Variants in FAXC observed in about 807,000 individuals in gnomAD.
FAXC encodes the protein failed axon connections homolog.
Under a neutral mutation model 41.9 loss-of-function variants are expected in FAXC, and 10 were observed. The observed-to-expected ratio is 0.24, with a 90% confidence interval of 0.15 to 0.41. The LOEUF is 0.41. Ranked by LOEUF, FAXC falls within the 10% of genes least tolerant of loss-of-function variation. The pLI is 1.00. For synonymous variants in FAXC, 183 were observed against 183.8 expected (o/e 1.00, Z 0.03); for missense variants, 399 against 510.9 (o/e 0.78, Z 2.11).
intron 5 of FAXC, 115 bp downstream of exon 5, chr6:99,291,589 T>C: frequency 2.6e-6 from 2 of 757,516 alleles, no homozygotes; most frequent in Non-Finnish European, 4.7e-6. Flanking sequence ...ATGCCTGGTG[T>C]CTCCATAAAG....
At chr6:99,349,020 G>C (rs889796212) in intron 1 of FAXC, 87 bp downstream of exon 1, 1 of 1,319,960 alleles carries the variant, frequency 7.6e-7, no homozygotes, top group African/African-American at 1.5e-5. Context: ...TTGACCGAGG[G>C]GCTGGCACGG....
intron 3 of FAXC, among the ~76,000 whole-genome samples, chr6:99,323,978 AAAACAAGTAG>A (rs1772689730): frequency 6.6e-6 from 1 of 152,124 alleles, no homozygotes; most frequent in Admixed American, 6.5e-5. Context: ...AACCCCACAG[AAAACAAGTAG>A]AAACCCACTG....
intron 4 of FAXC, among the ~76,000 whole-genome samples, chr6:99,301,816 A>G (rs771312004): frequency 1.1e-4 from 17 of 152,090 alleles, no homozygotes; most frequent in Non-Finnish European, 1.8e-4. Flanking sequence ...AGCTATGACA[A>G]CCTCTTCTGA....
intron 4 of FAXC, among the ~76,000 whole-genome samples, chr6:99,318,261 AC>A (rs879858529): frequency 0.45 from 38,553 of 86,090 alleles, 7,058 homozygotes; most frequent in East Asian, 0.61. Flanking sequence ...TCCGTCTCAA[AC>A]ACACACACAC....
Position 99,272,208 on chromosome 6 carries a change from C to T in FAXC, c.*8956G>A, listed in dbSNP as rs1286285074. ...TGTGTGTGTTTGAGATGGAGTTTTG[C>T]TCTTGTTGCCCAGGCTGGAGTCAAT... On this transcript the variant is annotated 3_prime_UTR_variant, in exon 6 of 6. Transcript: ENST00000389677. 6.9e-6 allele frequency: 1 copy of T among 145,614 alleles called. No individual in the cohort carries two copies. The highest frequency in any genetic ancestry group is 1.5e-5 in the Non-Finnish European group (1 of 66,732). 9.0% of individuals were successfully genotyped at this position (145,614 alleles called of 1,614,324 possible). A position where few individuals can be genotyped will look rare whatever the true frequency, so the allele number is the denominator to read the frequency against.
At chr6:99,300,393 A>G (rs951627963) in intron 4 of FAXC, among the ~76,000 whole-genome samples, 4 of 152,244 alleles carry the variant, frequency 2.6e-5, no homozygotes, top group African/African-American at 9.6e-5. Context: ...GCAAATGCCT[A>G]CTCAGGCTCA....
chr6:99,309,370 C>T (rs916569048), intron 4 of FAXC, among the ~76,000 whole-genome samples: 18 of 152,188 alleles, frequency 1.2e-4, no homozygotes, highest in Middle Eastern at 6.8e-3. Flanking sequence ...TGTAGCAATC[C>T]GTTTGTATCG....
chr6:99,286,812 C>A (rs1771044617), intron 5 of FAXC, among the ~76,000 whole-genome samples: 1 of 152,070 alleles, frequency 6.6e-6, no homozygotes, highest in East Asian at 1.9e-4. Flanking sequence ...AATAATAAAA[C>A]TGAGATTTTT....
At chr6:99,288,739 T>A (rs1329646958) in intron 5 of FAXC, among the ~76,000 whole-genome samples, 2 of 152,102 alleles carry the variant, frequency 1.3e-5, no homozygotes, top group African/African-American at 4.8e-5. Context: ...CCCATTCCAA[T>A]GAAGTCTGAT....
In FAXC at chr6:99,341,126, A is replaced by G. The variant is rs114650218; in HGVS notation, c.402+1772T>C. On this transcript the variant is annotated intron_variant, in intron 2 of 5. Transcript: ENST00000389677. ...ATTCATTTAACAAATTAATAAGCAT[A>G]AACACAAATTTGGGTCTTAAGAGTA... is the stretch of plus-strand genomic sequence containing the variant. Among the ~76,000 whole-genome samples the G allele has an allele frequency of 2.7e-3, 413 of 152,338 alleles. 1 individual carries two copies. The highest frequency in any genetic ancestry group is 9.6e-3 in the African/African-American group (401 of 41,576).
chr6:99,332,412 A>G (rs541697652), intron 3 of FAXC, among the ~76,000 whole-genome samples: 2 of 152,358 alleles, frequency 1.3e-5, no homozygotes, highest in Admixed American at 6.5e-5. Context: ...GGAAAAAGAT[A>G]AAGTTTGCAG....
At chr6:99,319,294 G>A (rs949218589) in intron 4 of FAXC, among the ~76,000 whole-genome samples, 6 of 151,852 alleles carry the variant, frequency 4.0e-5, no homozygotes, top group African/African-American at 1.2e-4. Context: ...AGCTACTTAC[G>A]AGGGTGAGAC....
At chr6:99,319,926 A>G (rs144339076) in intron 4 of FAXC, among the ~76,000 whole-genome samples, 93 of 152,320 alleles carry the variant, frequency 6.1e-4, no homozygotes, top group Non-Finnish European at 1.0e-3. Context: ...ATTCTCCATT[A>G]TATCAGCTAC....
intron 4 of FAXC, among the ~76,000 whole-genome samples, chr6:99,303,620 G>A (rs999258272): frequency 6.6e-6 from 1 of 152,192 alleles, no homozygotes; most frequent in Non-Finnish European, 1.5e-5. Flanking sequence ...GAATGCCCAA[G>A]GTTAGAACAC....
At chr6:99,320,308 T>C (rs1171864058) in intron 4 of FAXC, among the ~76,000 whole-genome samples, 1 of 152,200 alleles carries the variant, frequency 6.6e-6, no homozygotes, top group Non-Finnish European at 1.5e-5. Flanking sequence ...ATTAATGTAT[T>C]TTATATCATA....
chr6:99,282,636 G>A (rs966726287), intron 5 of FAXC, among the ~76,000 whole-genome samples: 1 of 151,978 alleles, frequency 6.6e-6, no homozygotes, highest in Admixed American at 6.6e-5. Flanking sequence ...AAAGAAAGAG[G>A]GTGAGTTTCT....
chr6:99,284,598 T>TGTGTGTGTGTGTGTGTGTGTGTGTGA (rs34495212), intron 5 of FAXC, among the ~76,000 whole-genome samples: 2 of 142,946 alleles, frequency 1.4e-5, no homozygotes, highest in South Asian at 2.3e-4. Context: ...TGTGTGTGTG[T>TGTGTGTGTGTGTGTGTGTGTGTGTGA]GATAAGCCTG....
rs1770397385 is a variant in FAXC, at chr6:99,271,466, A to C, written c.*9698T>G. ...AAGATGAAAACCAAACTACAGGTCG[A>C]GCATCCCAAATCCAAAAATCCAAAA... On this transcript the variant is annotated 3_prime_UTR_variant, in exon 6 of 6. Coordinates refer to ENST00000389677, the MANE Select transcript of FAXC (RefSeq NM_032511.4). The C allele has an allele frequency of 6.6e-6, 1 of 152,360 alleles. No individual in the cohort carries two copies. The highest frequency in any genetic ancestry group is 2.4e-5 in the African/African-American group (1 of 41,476). 9.4% of individuals were successfully genotyped at this position (152,360 alleles called of 1,614,324 possible). A position where few individuals can be genotyped will look rare whatever the true frequency, so the allele number is the denominator to read the frequency against.
chr6:99,309,209 G>A (rs1309059648), intron 4 of FAXC, among the ~76,000 whole-genome samples: 1 of 151,794 alleles, frequency 6.6e-6, no homozygotes, highest in Non-Finnish European at 1.5e-5. Context: ...ATCTTGTAAG[G>A]GTTTTTTTTT....
Sources: gnomAD v4.1 joint callset for allele counts (sites outside exome capture counted in the v4.1 genomes callset) on GRCh38, gnomAD v4.1.1 for gene constraint, MANE v1.5 for transcripts, NCBI Gene and HGNC (gene_info 2026-07-23, HGNC 2026-07-21) for gene names.